COPS2: variants seen among roughly 807,000 people sequenced by gnomAD.
The protein encoded by COPS2 is COP9 signalosome complex subunit 2.
Under a neutral mutation model 66.1 loss-of-function variants are expected in COPS2, and 10 were observed. That is an observed-to-expected ratio of 0.15 (90% CI 0.09 to 0.26). The LOEUF is 0.26. Ranked by LOEUF, COPS2 falls within the 10% of genes least tolerant of loss-of-function variation. The pLI is 1.00. For synonymous variants in COPS2, 179 were observed against 171.3 expected, an observed-to-expected ratio of 1.04 and a Z score of -0.35; for missense variants, 215 against 513.3, an observed-to-expected ratio of 0.42 and a Z score of 5.62.
At chr15:49,131,397 A>G (rs1190404586) in intron 9 of COPS2, among the ~76,000 whole-genome samples, 2 of 151,620 alleles carry the variant, frequency 1.3e-5, no homozygotes, top group African/African-American at 2.4e-5. Context: ...ACTGATTTAT[A>G]TTCATAATTC....
chr15:49,144,887 A>C, intron 2 of COPS2, 78 bp downstream of exon 2: 1 of 770,012 alleles, frequency 1.3e-6, no homozygotes, highest in Non-Finnish European at 2.1e-6. Flanking sequence ...TTCTGAGATA[A>C]AATCACCTGG....
chr15:49,137,971 G>A (rs1252900799), intron 4 of COPS2: 1 of 152,234 alleles, frequency 6.6e-6, no homozygotes, highest in East Asian at 1.9e-4. Flanking sequence ...CCTACAATGT[G>A]GCAAACACTA....
intron 1 of COPS2, among the ~76,000 whole-genome samples, chr15:49,154,736 GA>G (rs1399021060): frequency 1.3e-5 from 2 of 152,180 alleles, no homozygotes; most frequent in East Asian, 3.9e-4. Context: ...ATGAAGCTTT[GA>G]ATCTTTAAAA....
At position 49,133,966 on chromosome 15, in the gene COPS2, A is replaced by C; in HGVS notation, c.858T>G (p.Leu286=). Residue 286 remains leucine (L), a synonymous_variant, in exon 8 of 13, where the codon CTT becomes CTG. Coordinates refer to ENST00000388901, the MANE Select transcript of COPS2 (RefSeq NM_004236.4). The part of the protein sequence containing the change: ...CLKYLVLANM[L]MKSGINPFDS... ...CAAATGGATTTATTCCCGATTTCAT[A>C]AGCATATTTGCTAAGACCAAATATT... The C allele has an allele frequency of 1.9e-6, 3 of 1,613,368 alleles. No individual in the cohort carries two copies. The highest frequency in any genetic ancestry group is 1.7e-6 in the Non-Finnish European group (2 of 1,179,710).
At chr15:49,128,551 C>T in intron 12 of COPS2, 151 bp downstream of exon 12, 1 of 519,692 alleles carries the variant, frequency 1.9e-6, no homozygotes, top group Non-Finnish European at 3.4e-6. Flanking sequence ...CATCAAAAAC[C>T]ATCACACATA....
rs771754971 is a variant in COPS2, at chr15:49,127,919, C to T, written c.*31G>A. 3 of 1,611,452 alleles carry T rather than the reference C, an allele frequency of 1.9e-6. No individual in the cohort carries two copies. The highest frequency in any genetic ancestry group is 2.5e-6 in the Non-Finnish European group (3 of 1,178,478). On this transcript the variant is annotated 3_prime_UTR_variant, in exon 13 of 13. Coordinates refer to ENST00000388901, the MANE Select transcript of COPS2 (RefSeq NM_004236.4). The stretch of plus-strand genomic sequence containing the variant: ...AAGGATTACATCTCTGCACTGTTGC[C>T]TTAAGGACGTCTGTAAAAGCTTGTT...
rs541042389 is a variant in COPS2 at position 49,123,447 on chromosome 15, C to G, written c.*4503G>C. 5.9e-5 allele frequency: 9 copies of G among 152,104 alleles called. No homozygotes were observed. The highest frequency in any genetic ancestry group is 1.2e-4 in the Non-Finnish European group (8 of 68,004). The allele number at this position is 152,104 out of a possible 1,614,324, so 9.4% of individuals were successfully genotyped here. A position where few individuals can be genotyped will look rare whatever the true frequency, so the allele number is the denominator to read the frequency against. ...TCTTTTCATGGCATATGACATTTGCCTGTGTCAGAAATAAGTGATATTAAG... is the reference window on the plus strand; with the variant it reads ...TCTTTTCATGGCATATGACATTTGCGTGTGTCAGAAATAAGTGATATTAAG... On this transcript the variant is annotated 3_prime_UTR_variant, in exon 13 of 13. Coordinates refer to ENST00000388901, the MANE Select transcript of COPS2 (RefSeq NM_004236.4).
At chr15:49,151,183 CA>C (rs1244470871) in intron 1 of COPS2, among the ~76,000 whole-genome samples, 2 of 152,036 alleles carry the variant, frequency 1.3e-5, no homozygotes, top group East Asian at 3.9e-4. Context: ...GGCCAATCAC[CA>C]AAGGTCAGGA....
At chr15:49,128,924 G>A (rs1401297797) in intron 11 of COPS2, among the ~76,000 whole-genome samples, 164 bp from the exon 12 acceptor site, 2 of 151,988 alleles carry the variant, frequency 1.3e-5, no homozygotes, top group East Asian at 3.9e-4. Context: ...CGAGAACACA[G>A]GTATGATAAA....
intron 6 of COPS2, among the ~76,000 whole-genome samples, chr15:49,136,264 C>A (rs943460707): frequency 2.6e-5 from 4 of 151,944 alleles, no homozygotes; most frequent in Non-Finnish European, 5.9e-5. Flanking sequence ...TTTCCACATT[C>A]AATTTAAACT....
chr15:49,146,568 C>T (rs1010493071), intron 1 of COPS2, among the ~76,000 whole-genome samples: 6 of 152,068 alleles, frequency 3.9e-5, no homozygotes, highest in African/African-American at 1.4e-4. Context: ...CACGTAGTAA[C>T]AGCATAAACA....
At position 49,125,524 on chromosome 15, in the gene COPS2, C is replaced by T. The variant is rs2084159036; in HGVS notation, c.*2426G>A. On this transcript the variant is annotated 3_prime_UTR_variant, in exon 13 of 13. Coordinates refer to ENST00000388901, the MANE Select transcript of COPS2 (RefSeq NM_004236.4). The stretch of plus-strand genomic sequence containing the variant: ...CAGTGAATAAATGCTACAAATTTGC[C>T]AATCGATTTTTAACTTCCCCTAAAT... The T allele has an allele frequency of 6.6e-6, 1 of 152,020 alleles. No homozygotes were observed. The highest frequency in any genetic ancestry group is 1.5e-5 in the Non-Finnish European group (1 of 67,906). The allele number at this position is 152,020 out of a possible 1,614,324, so 9.4% of individuals were successfully genotyped here.
chr15:49,141,119 A>G (rs1228564918), intron 3 of COPS2, among the ~76,000 whole-genome samples: 1 of 152,230 alleles, frequency 6.6e-6, no homozygotes, highest in East Asian at 1.9e-4. Context: ...ATTACAGTAC[A>G]TATCTTGCAG....
Position 49,126,581 on chromosome 15 carries a change from TATAAA to T in COPS2, c.*1364_*1368del, listed in dbSNP as rs1264432922. 4.6e-5 allele frequency: 7 copies of T among 152,452 alleles called. No homozygotes were observed. Among genetic ancestry groups the T allele is most frequent in the African/African-American group, 1.7e-4 (7 of 41,434 alleles). 9.4% of individuals were successfully genotyped at this position (152,452 alleles called of 1,614,324 possible). On this transcript the variant is annotated 3_prime_UTR_variant, in exon 13 of 13. Transcript: ENST00000388901. ...TAATCCTAGTTCTTCCTTTCGACAC[TATAAA>T]ATAATGTGAACTTTTTAAAAAATGA...
At chr15:49,141,974 A>G (rs958753779) in intron 3 of COPS2, among the ~76,000 whole-genome samples, 1 of 152,204 alleles carries the variant, frequency 6.6e-6, no homozygotes, top group African/African-American at 2.4e-5. Flanking sequence ...AAATCACAGA[A>G]CCTACGAGTT....
At chr15:49,129,936 A>C (rs991054732) in intron 10 of COPS2, among the ~76,000 whole-genome samples, 1 of 152,160 alleles carries the variant, frequency 6.6e-6, no homozygotes, top group Non-Finnish European at 1.5e-5. Context: ...ATTTTATATA[A>C]TGCTTTTACA....
At chr15:49,147,471 G>T (rs1220530063) in intron 1 of COPS2, among the ~76,000 whole-genome samples, 1 of 152,010 alleles carries the variant, frequency 6.6e-6, no homozygotes, top group African/African-American at 2.4e-5. Context: ...GACAACAGTA[G>T]GACTAGTATT....
intron 11 of COPS2, 111 bp downstream of exon 11, chr15:49,129,363 TGTA>T: frequency 2.4e-6 from 1 of 424,370 alleles, no homozygotes; most frequent in Non-Finnish European, 4.2e-6. Context: ...ATTTAAAAAA[TGTA>T]TTATTATAAT....
intron 3 of COPS2, among the ~76,000 whole-genome samples, chr15:49,142,108 ATAT>A (rs1394595102): frequency 6.6e-6 from 1 of 152,216 alleles, no homozygotes; most frequent in African/African-American, 2.4e-5. Context: ...TTTGTGTTTA[ATAT>A]TCTTGCAAAC....
Sources: allele counts gnomAD v4.1 joint callset (sites outside exome capture counted in the v4.1 genomes callset), GRCh38; gene constraint gnomAD v4.1.1; transcripts MANE v1.5; gene names NCBI Gene and HGNC (gene_info 2026-07-23, HGNC 2026-07-21).